Variants in DNAH6 observed in about 807,000 individuals in gnomAD.
DNAH6 encodes the protein axonemal beta dynein heavy chain 6.
A neutral mutation model predicts 491.4 loss-of-function variants in DNAH6; 340 were observed. The ratio of observed to expected loss-of-function variants is 0.69; its 90% CI spans 0.63 to 0.76. The LOEUF (loss-of-function observed/expected upper bound fraction) is 0.76, where lower values mean the gene tolerates loss of function less well. Ranked by LOEUF, DNAH6 falls within the 30% of genes least tolerant of loss-of-function variation. DNAH6 has a pLI of 0.00. For missense variants in DNAH6, 4,443 were observed against 4,972.2 expected (o/e 0.89, Z 3.20); for synonymous variants, 1,603 against 1,686.1 (o/e 0.95, Z 1.21).
At chr2:84,490,619 T>C in the DNAH6 span, among the ~76,000 whole-genome samples, 2 of 152,160 alleles carry the variant, frequency 1.3e-5, no homozygotes, top group Non-Finnish European at 2.9e-5. Flanking sequence ...TGGAGTGCAG[T>C]GGCATTATCT....
chr2:84,665,442 C>A (rs1199745341), intron 37 of DNAH6, among the ~76,000 whole-genome samples: 3 of 152,122 alleles, frequency 2.0e-5, no homozygotes, highest in African/African-American at 7.2e-5. Context: ...CACAGAAATA[C>A]AAACTACGAT....
At chr2:84,645,818 C>T (rs565818708) in intron 33 of DNAH6, among the ~76,000 whole-genome samples, 48 of 152,306 alleles carry the variant, frequency 3.2e-4, no homozygotes, top group African/African-American at 1.0e-3. Context: ...TCTCAGACAT[C>T]TCCACATCTA....
chr2:84,780,274 T>C (rs779663803), intron 64 of DNAH6, among the ~76,000 whole-genome samples: 7 of 152,236 alleles, frequency 4.6e-5, no homozygotes, highest in Non-Finnish European at 8.8e-5. Flanking sequence ...AATGCCAGTA[T>C]GGCATAGGTT....
intron 62 of DNAH6, 68 bp from the exon 63 acceptor site, chr2:84,745,012 C>A: frequency 2.8e-6 from 3 of 1,065,068 alleles, no homozygotes; most frequent in Non-Finnish European, 3.9e-6. Flanking sequence ...TTTAAATTAC[C>A]AAACATTATT....
At chr2:84,621,135 A>G in intron 24 of DNAH6, 56 bp from the exon 25 acceptor site, 1 of 1,523,414 alleles carries the variant, frequency 6.6e-7, no homozygotes, top group Non-Finnish European at 8.9e-7. Flanking sequence ...TACAGAAGGC[A>G]TACAGCTTAC....
chr2:84,592,650 T>G (rs779511954), intron 16 of DNAH6, among the ~76,000 whole-genome samples: 15 of 152,214 alleles, frequency 9.9e-5, no homozygotes, highest in Non-Finnish European at 1.6e-4. Flanking sequence ...ATTGCAGCAT[T>G]GTTCTCAGTA....
chr2:84,745,381 A>G (rs914088198), intron 63 of DNAH6, 132 bp downstream of exon 63: 1 of 690,420 alleles, frequency 1.4e-6, no homozygotes, highest in Non-Finnish European at 2.2e-6. Flanking sequence ...AAAATGAAAC[A>G]TGGGCCGAGC....
At chr2:84,663,912 T>C (rs1012393556) in intron 37 of DNAH6, among the ~76,000 whole-genome samples, 5 of 152,148 alleles carry the variant, frequency 3.3e-5, no homozygotes, top group Non-Finnish European at 5.9e-5. Context: ...TCAGAAACTC[T>C]AAAAGCCAAA....
In DNAH6 at chr2:84,769,088, A is replaced by G. The variant is rs116147049; in HGVS notation, c.10703+6143A>G. Among the ~76,000 whole-genome samples, 267 of 152,352 alleles carry G rather than the reference A, an allele frequency of 1.8e-3. 1 individual carries two copies. The highest frequency in any genetic ancestry group is 3.1e-3 in the Admixed American group (47 of 15,306). ...GCCACTATTGTCTGTAAAAGGTACA[A>G]TTGCCCTGCTGATGCTGTACATATG... On this transcript the variant is annotated intron_variant, in intron 64 of 76. Coordinates refer to ENST00000389394, the MANE Select transcript of DNAH6 (RefSeq NM_001370.2).
chr2:84,589,711 C>CAAA (rs1301777970), intron 16 of DNAH6, among the ~76,000 whole-genome samples: 6,260 of 58,056 alleles, frequency 0.11, 245 homozygotes, highest in South Asian at 0.2. Flanking sequence ...GACCCTGTCT[C>CAAA]AAAAAAAAAA....
In DNAH6 at chr2:84,705,473, G is replaced by A. The variant is rs745943952; in HGVS notation, c.8466-13G>A. 2 of 1,531,166 alleles carry A rather than the reference G, an allele frequency of 1.3e-6. No homozygotes were observed. The highest frequency in any genetic ancestry group is 2.5e-5 in the South Asian group (2 of 81,262). The allele number at this position is 1,531,166 out of a possible 1,614,324, so 94.8% of individuals were successfully genotyped here. On this transcript the variant is annotated splice_polypyrimidine_tract_variant and intron_variant, in intron 51 of 76. Coordinates refer to ENST00000389394, the MANE Select transcript of DNAH6 (RefSeq NM_001370.2). ...CATTTCAGTGCCATTAATATATCAT[G>A]TCTGTCTTTCAGGCCTGATTGGCCA... is the stretch of plus-strand genomic sequence containing the variant.
intron 70 of DNAH6, 114 bp downstream of exon 70, chr2:84,797,772 A>T: frequency 4.2e-6 from 4 of 959,290 alleles, no homozygotes; most frequent in Non-Finnish European, 6.1e-6. Context: ...AAACAAATAA[A>T]ATAATTGTTT....
intron 40 of DNAH6, among the ~76,000 whole-genome samples, chr2:84,673,427 G>C (rs1692934018): frequency 6.6e-6 from 1 of 152,202 alleles, no homozygotes; most frequent in South Asian, 2.1e-4. Flanking sequence ...TGAGGGTCGA[G>C]CCTCCTGTGC....
intron 4 of DNAH6, among the ~76,000 whole-genome samples, chr2:84,531,977 C>G (rs913412989): frequency 1.3e-5 from 2 of 152,002 alleles, no homozygotes; most frequent in Admixed American, 6.6e-5. Context: ...AAACATAATT[C>G]TTGATTCATA....
At position 84,707,663 on chromosome 2, in the gene DNAH6, G is replaced by C; in HGVS notation, c.8995G>C (p.Ala2999Pro). 1 of 1,552,352 alleles carries C rather than the reference G, an allele frequency of 6.4e-7. No individual in the cohort carries two copies. Among genetic ancestry groups the C allele is most frequent in the African/African-American group, 1.4e-5 (1 of 73,172 alleles). ...ISNITGNVFI[A>P]AACVAYYGAF... The stretch of plus-strand genomic sequence containing the variant: ...AAATATCACTGGGAACGTGTTCATA[G>C]CAGCAGCTTGTGTGGCCTACTATGG... The change falls in exon 54 of 77, where the codon GCA (alanine) becomes CCA (proline). Residue 2999 changes from alanine to proline, a missense_variant. Coordinates refer to ENST00000389394, the MANE Select transcript of DNAH6 (RefSeq NM_001370.2).
chr2:84,507,107 T>G, the DNAH6 span, among the ~76,000 whole-genome samples: 3 of 152,188 alleles, frequency 2.0e-5, no homozygotes, highest in South Asian at 2.1e-4. Context: ...GTGAAGAAAG[T>G]CATTGGTAGC....
At chr2:84,593,640 C>T (rs899327967) in intron 16 of DNAH6, among the ~76,000 whole-genome samples, 3 of 152,104 alleles carry the variant, frequency 2.0e-5, no homozygotes, top group Non-Finnish European at 2.9e-5. Context: ...TCTGCTTTCC[C>T]TAGAAGACCT....
chr2:84,565,627 T>C (rs940930443), intron 11 of DNAH6, among the ~76,000 whole-genome samples: 1 of 152,036 alleles, frequency 6.6e-6, no homozygotes, highest in African/African-American at 2.4e-5. Flanking sequence ...TGGGTTTAAG[T>C]CCTCAATTTC....
Position 84,719,269 on chromosome 2 carries a change from T to C in DNAH6, c.9792+885T>C, listed in dbSNP as rs1032556778. Among the ~76,000 whole-genome samples, 81 of 152,228 alleles carry C rather than the reference T, an allele frequency of 5.3e-4. 1 individual carries two copies. The highest frequency in any genetic ancestry group is 1.8e-3 in the African/African-American group (74 of 41,452). Reference sequence around the variant, plus strand: ...GCTTTAGCTTGTTTGTTCATAGATCTCTTTATCCTCCTGTCGTTCATTCTT... The same window carrying C: ...GCTTTAGCTTGTTTGTTCATAGATCCCTTTATCCTCCTGTCGTTCATTCTT... On this transcript the variant is annotated intron_variant, in intron 59 of 76. Coordinates refer to ENST00000389394, the MANE Select transcript of DNAH6 (RefSeq NM_001370.2).
Sources: allele counts gnomAD v4.1 joint callset (sites outside exome capture counted in the v4.1 genomes callset), GRCh38; gene constraint gnomAD v4.1.1; transcripts MANE v1.5; gene names NCBI Gene and HGNC (gene_info 2026-07-23, HGNC 2026-07-21).